Variants in DYNC2I1 observed in about 807,000 individuals in gnomAD.
DYNC2I1 encodes the protein cytoplasmic dynein 2 intermediate chain 1.
Under a neutral mutation model 133.4 loss-of-function variants are expected in DYNC2I1, and 89 were observed. The ratio of observed to expected loss-of-function variants is 0.67; its 90% confidence interval spans 0.56 to 0.80. DYNC2I1 has a LOEUF of 0.80. Ranked by LOEUF, DYNC2I1 falls within the 30% of genes least tolerant of loss-of-function variation. The pLI is 0.00. For missense variants in DYNC2I1, 1,291 were observed against 1,314.5 expected (o/e 0.98, Z 0.28); for synonymous variants, 504 against 484.3 (o/e 1.04, Z -0.54).
chr7:158,859,158 G>T (rs1282375523), intron 1 of DYNC2I1, among the ~76,000 whole-genome samples: 6 of 150,076 alleles, frequency 4.0e-5, no homozygotes, highest in African/African-American at 1.5e-4. Flanking sequence ...ACCATGCCTG[G>T]CCTGTCGCAT....
At chr7:158,857,272 T>C (rs1584920853) in intron 1 of DYNC2I1, among the ~76,000 whole-genome samples, 1 of 152,262 alleles carries the variant, frequency 6.6e-6, no homozygotes, top group East Asian at 1.9e-4. Context: ...ACAATAATAA[T>C]AGCAACATTA....
chr7:158,853,337 A>G (rs1197827631), upstream of DYNC2I1, among the ~76,000 whole-genome samples: 1 of 152,208 alleles, frequency 6.6e-6, no homozygotes, highest in East Asian at 1.9e-4. Context: ...GACATGCCTC[A>G]TGATACCCTC....
intron 3 of DYNC2I1, among the ~76,000 whole-genome samples, chr7:158,876,176 C>T (rs1267861932): frequency 2.0e-5 from 3 of 152,150 alleles, no homozygotes; most frequent in Admixed American, 6.5e-5. Context: ...GAAGCAGTCA[C>T]GTCTTACAGG....
intron 15 of DYNC2I1, among the ~76,000 whole-genome samples, 163 bp from the exon 16 acceptor site, chr7:158,922,214 G>A (rs1473038948): frequency 6.6e-6 from 1 of 152,240 alleles, no homozygotes; most frequent in Non-Finnish European, 1.5e-5. Flanking sequence ...GGCATAGGCT[G>A]TGGCCGTTCA....
At chr7:158,880,756 TCC>T (rs1483500344) in intron 5 of DYNC2I1, among the ~76,000 whole-genome samples, 3 of 152,226 alleles carry the variant, frequency 2.0e-5, no homozygotes, top group Non-Finnish European at 4.4e-5. Flanking sequence ...TGTGGTTTCA[TCC>T]CTGTACTTAG....
intron 15 of DYNC2I1, among the ~76,000 whole-genome samples, chr7:158,919,308 G>T (rs1321754848): frequency 1.3e-5 from 2 of 152,220 alleles, no homozygotes; most frequent in East Asian, 3.8e-4. Flanking sequence ...AACATTTAGT[G>T]TAGATAGACT....
intron 11 of DYNC2I1, among the ~76,000 whole-genome samples, chr7:158,907,026 G>A (rs1781019693): frequency 6.6e-6 from 1 of 152,088 alleles, no homozygotes; most frequent in Non-Finnish European, 1.5e-5. Context: ...TTAGGTGGGA[G>A]ATGGCTTGAG....
chr7:158,860,239 A>C (rs1479100794), intron 1 of DYNC2I1, among the ~76,000 whole-genome samples: 2 of 151,934 alleles, frequency 1.3e-5, no homozygotes, highest in Non-Finnish European at 2.9e-5. Context: ...TTATATTTTT[A>C]GTAGAGACAC....
intron 5 of DYNC2I1, among the ~76,000 whole-genome samples, chr7:158,880,660 G>A (rs1305429362): frequency 6.6e-6 from 1 of 152,106 alleles, no homozygotes; most frequent in Non-Finnish European, 1.5e-5. Context: ...AACCAGAATT[G>A]GTATAAGTTT....
chr7:158,839,320 C>G, the DYNC2I1 span, among the ~76,000 whole-genome samples: 1 of 144,610 alleles, frequency 6.9e-6, no homozygotes, highest in South Asian at 2.3e-4. Context: ...TAATGTAACT[C>G]CGTAACACCT....
At chr7:158,861,415 C>T (rs1453052531) in intron 1 of DYNC2I1, among the ~76,000 whole-genome samples, 4 of 152,156 alleles carry the variant, frequency 2.6e-5, no homozygotes, top group African/African-American at 9.7e-5. Flanking sequence ...CACTCCCTCA[C>T]CTCAGTGCAA....
At chr7:158,922,699 C>T in intron 16 of DYNC2I1, 150 bp downstream of exon 16, 1 of 758,570 alleles carries the variant, frequency 1.3e-6, no homozygotes, top group South Asian at 1.9e-5. Flanking sequence ...CACAGCTGGC[C>T]TCAGCTGTGC....
chr7:158,857,968 T>C (rs1470774968), intron 1 of DYNC2I1, among the ~76,000 whole-genome samples: 2 of 152,056 alleles, frequency 1.3e-5, no homozygotes, highest in East Asian at 3.8e-4. Context: ...TTTTTGTATT[T>C]TTAGTAGGGA....
intron 5 of DYNC2I1, among the ~76,000 whole-genome samples, chr7:158,882,021 T>C (rs1164054097): frequency 6.6e-6 from 1 of 152,228 alleles, no homozygotes; most frequent in Admixed American, 6.5e-5. Context: ...ATTTGGCTTT[T>C]ATTAAAGGTG....
intron 8 of DYNC2I1, among the ~76,000 whole-genome samples, chr7:158,891,638 T>C (rs1487121618): frequency 1.3e-5 from 2 of 151,994 alleles, no homozygotes; most frequent in African/African-American, 4.8e-5. Context: ...GCAAAGAAAT[T>C]GGAGGGAAGA....
intron 14 of DYNC2I1, among the ~76,000 whole-genome samples, chr7:158,915,402 T>G: frequency 7.8e-6 from 1 of 127,926 alleles, no homozygotes; most frequent in Non-Finnish European, 1.8e-5. Context: ...CTGGTTGACA[T>G]TAAGGATGAT....
rs1321894296 is a variant in DYNC2I1, at chr7:158,916,363, C to T, written c.1791+2042C>T. On this transcript the variant is annotated intron_variant, in intron 14 of 24. Transcript: ENST00000407559. ...GTTGACATTAAGGATGATTGTGAAACGTCGACACGCTGGTTGACATTAAGG... is the reference window on the plus strand; with the variant it reads ...GTTGACATTAAGGATGATTGTGAAATGTCGACACGCTGGTTGACATTAAGG... 5.4e-5 allele frequency among the ~76,000 whole-genome samples: 5 copies of T among 92,912 alleles called. No individual in the cohort carries two copies. The East Asian group carries it at 7.4e-4, about 14-fold the overall frequency. 61.0% of individuals were successfully genotyped at this position (92,912 alleles called of 152,430 possible). A position where few individuals can be genotyped will look rare whatever the true frequency, so the allele number is the denominator to read the frequency against.
In DYNC2I1 at chr7:158,914,310, G is replaced by A. The variant is rs896123585; in HGVS notation, c.1780G>A (p.Ala594Thr). 1.2e-6 allele frequency: 2 copies of A among 1,610,718 alleles called. No homozygotes were observed. The highest frequency in any genetic ancestry group is 2.7e-5 in the African/African-American group (2 of 74,868). The change falls in exon 14 of 25, where the codon GCT becomes ACT. Residue 594 changes from alanine to threonine, a missense_variant. By Grantham distance (58) the Ala-to-Thr change is moderately conservative. Coordinates refer to ENST00000407559, the MANE Select transcript of DYNC2I1 (RefSeq NM_018051.5). ...TCCAAGGTTATGTAGCTTTCTGCGG[G>A]CTGCTTGTCAGGTATACTCAACCTA... ...DTPRLCSFLR[A>T]ACQVMAVLLE...
Position 158,934,225 on chromosome 7 carries a change from C to T in DYNC2I1, c.2643C>T (p.Asp881=). The T allele has an allele frequency of 1.2e-6, 2 of 1,606,570 alleles. No individual in the cohort carries two copies. The highest frequency in any genetic ancestry group is 1.1e-5 in the South Asian group (1 of 89,290). ...CTAATCACTTTATTATTGGCACAGA[C>T]ATGGTGAGTAGTATTTTAAATTTAA... ...SDPNHFIIGT[D]MGLISHGTRQ... The change falls in exon 22 of 25, where the codon GAC becomes GAT. Residue 881 remains aspartate, a synonymous_variant. Transcript: ENST00000407559.
Sources: gnomAD v4.1 joint callset for allele counts (sites outside exome capture counted in the v4.1 genomes callset) on GRCh38, gnomAD v4.1.1 for gene constraint, MANE v1.5 for transcripts, NCBI Gene and HGNC (gene_info 2026-07-23, HGNC 2026-07-21) for gene names.